POR: variants seen among roughly 807,000 people sequenced by gnomAD.
POR encodes NADPH--cytochrome P450 reductase.
A neutral mutation model predicts 84.0 loss-of-function variants in POR; 56 were observed. The observed-to-expected ratio is 0.67, with a 90% CI of 0.54 to 0.83. POR has a LOEUF of 0.83. Among genes scored for constraint, POR ranks in the 40% least tolerant of loss-of-function variants. The probability of loss-of-function intolerance (pLI) is 0.00; values close to 1 mark genes in which losing one functional copy is unlikely to be tolerated. For missense variants in POR, 938 were observed against 944.3 expected, an observed-to-expected ratio of 0.99 and a Z score of 0.09; for synonymous variants, 414 against 400.5, an observed-to-expected ratio of 1.03 and a Z score of -0.40.
chr7:75,932,266 C>T (rs12531739), intron 1 of POR, among the ~76,000 whole-genome samples: 12,137 of 151,762 alleles, frequency 0.08, 719 homozygotes, highest in East Asian at 0.22. Context: ...CTGCAACCTC[C>T]GCCTCCCAGG....
chr7:75,968,139 G>C, intron 2 of POR: 2 of 456,996 alleles, frequency 4.4e-6, no homozygotes, highest in South Asian at 3.1e-5. Context: ...GTCAGTTCCT[G>C]ACACTGTCCC....
At chr7:75,936,061 C>T (rs1554550765) in intron 1 of POR, among the ~76,000 whole-genome samples, 1 of 150,310 alleles carries the variant, frequency 6.7e-6, no homozygotes, top group East Asian at 1.9e-4. Flanking sequence ...TTAACTTTTC[C>T]AGTGTCTTTA....
At position 75,979,624 on chromosome 7, in the gene POR, G is replaced by C. The variant is rs782767474; in HGVS notation, c.366+45G>C. The stretch of plus-strand genomic sequence containing the variant: ...TGGCCCCAGATGGAGGCAGTGGGTA[G>C]GACAGGGAGCAGGTCTGTAGGGCGC... On this transcript the variant is annotated intron_variant, in intron 4 of 15. Transcript: ENST00000461988. The C allele has an allele frequency of 6.9e-5, 111 of 1,607,282 alleles. 2 individuals carry two copies. Among genetic ancestry groups the C allele is most frequent in the Non-Finnish European group, 5.9e-5 (69 of 1,178,148 alleles).
At chr7:75,933,645 C>A (rs1336395265) in intron 1 of POR, among the ~76,000 whole-genome samples, 1 of 152,146 alleles carries the variant, frequency 6.6e-6, no homozygotes, top group East Asian at 1.9e-4. Context: ...CCTGCCTGGG[C>A]CTCCCAAAGT....
At position 75,973,486 on chromosome 7, in the gene POR, T is replaced by A. The variant is rs185849913; in HGVS notation, c.237+1025T>A. On this transcript the variant is annotated intron_variant, in intron 3 of 15. Coordinates refer to ENST00000461988, the MANE Select transcript of POR (RefSeq NM_000941.3). ...ACACCACCACGCCTGGCTAATTTTTTAATTTATTCTTCATAGGAACAGGTT... is the reference window on the plus strand; with the variant it reads ...ACACCACCACGCCTGGCTAATTTTTAAATTTATTCTTCATAGGAACAGGTT... Among the ~76,000 whole-genome samples, 206 of 151,614 alleles carry A rather than the reference T, an allele frequency of 1.4e-3. 8 individuals are homozygous for A. In the South Asian group the frequency reaches 0.038, roughly 28 times the overall value.
rs41301406 is a variant in POR at position 75,984,003 on chromosome 7, C to G, written c.1066+147C>G. On this transcript the variant is annotated intron_variant, in intron 10 of 15. Coordinates refer to ENST00000461988, the MANE Select transcript of POR (RefSeq NM_000941.3). The stretch of plus-strand genomic sequence containing the variant: ...CCGAGACTCCACGGTTACAGGATCC[C>G]AAGCAAACGGGAGGCGGGGTGGCCC... 2,359 of 677,014 alleles carry G rather than the reference C, an allele frequency of 3.5e-3. 42 individuals carry two copies. The African/African-American group carries it at 0.038, about 11-fold the overall frequency. The allele number at this position is 677,014 out of a possible 1,614,324, so 41.9% of individuals were successfully genotyped here. A position where few individuals can be genotyped will look rare whatever the true frequency, so the allele number is the denominator to read the frequency against.
Position 75,954,193 on chromosome 7 carries a change from T to C in POR, c.188+13T>C. 1 of 1,597,102 alleles carries C rather than the reference T, an allele frequency of 6.3e-7. No individual in the cohort carries two copies. Among genetic ancestry groups the C allele is most frequent in the Non-Finnish European group, 8.6e-7 (1 of 1,169,310 alleles). ...AAATTCAGACATTGTAAGTGCCGCC[T>C]CTCAGCCTCCTCTCTCTGTCCCTCT... On this transcript the variant is annotated intron_variant, in intron 2 of 15. Transcript: ENST00000461988.
intron 1 of POR, among the ~76,000 whole-genome samples, chr7:75,937,394 C>T (rs1554550989): frequency 1.4e-5 from 2 of 147,502 alleles, no homozygotes; most frequent in African/African-American, 5.1e-5. Context: ...ATTGCTTGAA[C>T]CTGGGAGGCG....
At chr7:75,968,092 C>T (rs782514571) in intron 2 of POR, 17 of 455,300 alleles carry the variant, frequency 3.7e-5, no homozygotes, top group African/African-American at 6.0e-5. Flanking sequence ...ATGGGGTGCA[C>T]GTACTCGTCT....
At chr7:75,937,979 C>T (rs576615987) in intron 1 of POR, among the ~76,000 whole-genome samples, 15 of 152,238 alleles carry the variant, frequency 9.9e-5, no homozygotes, top group Non-Finnish European at 1.2e-4. Flanking sequence ...GAGCCAAGGC[C>T]GCAGAGATGC....
intron 2 of POR, 69 bp from the exon 3 acceptor site, chr7:75,972,344 C>A: frequency 7.1e-7 from 1 of 1,401,910 alleles, no homozygotes; most frequent in East Asian, 2.4e-5. Flanking sequence ...CTAAGGACAC[C>A]CACGTCCCGT....
At chr7:75,923,086 C>G (rs1554549044) in intron 1 of POR, 7 of 726,680 alleles carry the variant, frequency 9.6e-6, no homozygotes, top group Non-Finnish European at 1.7e-5. Flanking sequence ...AAGACTTAAA[C>G]CTAAAAATGC....
At chr7:75,943,499 C>A (rs1432859735) in intron 1 of POR, among the ~76,000 whole-genome samples, 1 of 152,088 alleles carries the variant, frequency 6.6e-6, no homozygotes, top group Non-Finnish European at 1.5e-5. Flanking sequence ...TTCCCTTGTT[C>A]GATCACATAT....
chr7:75,980,530 G>A lies in POR; in HGVS notation c.516+42G>A, dbSNP rs72555505. Reference sequence around the variant, plus strand: ...CTGCTATGGGCTCCCGGTGGCCTGCGGTGCCTCCCTGGGGACTCCAGATCC... The same window carrying A: ...CTGCTATGGGCTCCCGGTGGCCTGCAGTGCCTCCCTGGGGACTCCAGATCC... On this transcript the variant is annotated intron_variant, in intron 5 of 15. Transcript: ENST00000461988. 3,487 of 1,612,586 alleles carry A rather than the reference G, an allele frequency of 2.2e-3. 86 individuals are homozygous for A. The South Asian group carries it at 0.033, about 15-fold the overall frequency.
Position 75,932,593 on chromosome 7 carries a change from AC to A in POR, c.-5+17415del, listed in dbSNP as rs1185152322. On this transcript the variant is annotated intron_variant, in intron 1 of 15. Transcript: ENST00000461988. Reference sequence around the variant, plus strand: ...AAACAGTTTTAATTTTTTTTTCTGTACTAGAAAATGCACTGTAACTTGACAT... The same window carrying A: ...AAACAGTTTTAATTTTTTTTTCTGTATAGAAAATGCACTGTAACTTGACAT... Among the ~76,000 whole-genome samples, 8 of 151,976 alleles carry A rather than the reference AC, an allele frequency of 5.3e-5. No homozygotes were observed. In the East Asian group the frequency reaches 1.3e-3, roughly 26 times the overall value.
intron 3 of POR, among the ~76,000 whole-genome samples, chr7:75,976,157 AGCT>A (rs1211488936): frequency 6.6e-6 from 1 of 152,158 alleles, no homozygotes; most frequent in African/African-American, 2.4e-5. Context: ...GTAAATATTT[AGCT>A]GCTATCTTAG....
At chr7:75,926,026 CTCTCTTTTTTT>C (rs376589145) in intron 1 of POR, among the ~76,000 whole-genome samples, 12 of 130,762 alleles carry the variant, frequency 9.2e-5, no homozygotes, top group African/African-American at 4.4e-4. Context: ...TCTCTTTTCT[CTCTCTTTTTTT>C]TTTTTTTTTT....
intron 2 of POR, among the ~76,000 whole-genome samples, chr7:75,965,423 G>C (rs1488300138): frequency 6.6e-6 from 1 of 152,156 alleles, no homozygotes; most frequent in African/African-American, 2.4e-5. Context: ...TAGCACATGA[G>C]AGCTGGGATT....
intron 2 of POR, among the ~76,000 whole-genome samples, chr7:75,957,174 T>C (rs1466142896): frequency 6.6e-6 from 1 of 152,188 alleles, no homozygotes; most frequent in Non-Finnish European, 1.5e-5. Context: ...GGGCACAGGC[T>C]GGAGAGACAG....
Sources: allele counts gnomAD v4.1 joint callset (sites outside exome capture counted in the v4.1 genomes callset), GRCh38; gene constraint gnomAD v4.1.1; transcripts MANE v1.5; gene names NCBI Gene and HGNC (gene_info 2026-07-23, HGNC 2026-07-21).